Variants in SLC25A5 observed in about 807,000 individuals in gnomAD.
SLC25A5 encodes solute carrier family 25 member 5.
SLC25A5 carries 4 observed loss-of-function variants against 16.5 expected under a neutral mutation model. The ratio of observed to expected loss-of-function variants is 0.24; its 90% CI spans 0.12 to 0.56. SLC25A5 has a LOEUF of 0.56. Among genes scored for constraint, SLC25A5 ranks in the 20% least tolerant of loss-of-function variants. SLC25A5 has a pLI of 0.93. For synonymous variants in SLC25A5, 60 were observed against 95.2 expected (o/e 0.63, Z 2.15); for missense variants, 88 against 248.0 (o/e 0.35, Z 4.33).
At chrX:119,469,194 C>T (rs763510654) in intron 1 of SLC25A5, 220 of 113,875 alleles carry the variant, frequency 1.9e-3, no homozygotes, top group Middle Eastern at 4.4e-3. Context: ...CTCTCCAGTG[C>T]CGGCTCTAGA....
At chrX:119,470,555 G>A in intron 3 of SLC25A5, 42 bp downstream of exon 3, 3 of 1,171,935 alleles carry the variant, frequency 2.6e-6, no homozygotes, top group Non-Finnish European at 2.3e-6. Flanking sequence ...TAGTCGTGGG[G>A]CAATCTGCTG....
chrX:119,469,917 C>G lies in SLC25A5; in HGVS notation c.368C>G (p.Ala123Gly). ...GGGAATCTGGCATCGGGTGGTGCCG[C>G]AGGGGCCACATCCCTGTGTTTTGTG... is the stretch of plus-strand genomic sequence containing the variant. ...FAGNLASGGA[A>G]GATSLCFVYP... The change falls in exon 2 of 4, where the codon GCA (alanine) becomes GGA (glycine). Residue 123 changes from alanine to glycine, a missense_variant. Coordinates refer to ENST00000317881, the MANE Select transcript of SLC25A5 (RefSeq NM_001152.5). 8.2e-7 allele frequency: 1 copy of G among 1,212,542 alleles called. No individual in the cohort carries two copies. The highest frequency in any genetic ancestry group is 1.1e-6 in the Non-Finnish European group (1 of 895,496).
intron 1 of SLC25A5, chrX:119,469,440 T>A: frequency 2.5e-6 from 1 of 392,512 alleles, no homozygotes. Context: ...ATGCCCCCTC[T>A]CCACTCAGAG....
chrX:119,470,866 T>G, intron 3 of SLC25A5, 35 bp from the exon 4 acceptor site: 1 of 1,186,593 alleles, frequency 8.4e-7, no homozygotes, highest in South Asian at 1.9e-5. Flanking sequence ...TTCATCGGCC[T>G]TCAGTCACTA....
At position 119,471,216 on chromosome X, in the gene SLC25A5, T is replaced by G; in HGVS notation, c.*158T>G. 1 of 375,643 alleles carries G rather than the reference T, an allele frequency of 2.7e-6. No individual in the cohort carries two copies. Among genetic ancestry groups the G allele is most frequent in the Non-Finnish European group, 4.3e-6 (1 of 229,914 alleles). The allele number at this position is 375,643 out of a possible 1,213,427, so 31.0% of individuals were successfully genotyped here. A position where few individuals can be genotyped will look rare whatever the true frequency, so the allele number is the denominator to read the frequency against. On this transcript the variant is annotated 3_prime_UTR_variant, in exon 4 of 4. Transcript: ENST00000317881. ...AATATTCATCTGACCAGTTTTCTCT[T>G]AAAGCCATTTCCATGATGATGATGA...
In SLC25A5 at chrX:119,470,893, C is replaced by A; in HGVS notation, c.740-8C>A. 3 of 1,204,339 alleles carry A rather than the reference C, an allele frequency of 2.5e-6. No individual in the cohort carries two copies. Among genetic ancestry groups the A allele is most frequent in the South Asian group, 1.8e-5 (1 of 55,237 alleles). ...CAGTCACTAACTCCATGTCTTTATT[C>A]TTTGCAGCTGACATCATGTACACAG... On this transcript the variant is annotated splice_polypyrimidine_tract_variant and splice_region_variant and intron_variant, in intron 3 of 3. Transcript: ENST00000317881.
Position 119,470,923 on chromosome X carries a change from G to A in SLC25A5, c.762G>A (p.Thr254=), listed in dbSNP as rs887310187. 3.3e-5 allele frequency: 40 copies of A among 1,210,448 alleles called. No individual in the cohort carries two copies. Among genetic ancestry groups the A allele is most frequent in the Non-Finnish European group, 3.9e-5 (35 of 894,927 alleles). ...CAGCTGACATCATGTACACAGGCAC[G>A]CTTGACTGCTGGCGGAAGATTGCTC... is the stretch of plus-strand genomic sequence containing the variant. ...RKGTDIMYTG[T]LDCWRKIARD... Residue 254 remains threonine, a synonymous_variant, in exon 4 of 4, where the codon ACG becomes ACA. Coordinates refer to ENST00000317881, the MANE Select transcript of SLC25A5 (RefSeq NM_001152.5).
intron 1 of SLC25A5, chrX:119,469,135 A>AGCCGCG (rs2052809061): frequency 8.8e-6 from 1 of 113,324 alleles, no homozygotes; most frequent in Non-Finnish European, 1.9e-5. Flanking sequence ...GCCCCCGCGC[A>AGCCGCG]GCCGCGGCCG....
At chrX:119,468,847 G>T in intron 1 of SLC25A5, 2 of 404,911 alleles carry the variant, frequency 4.9e-6, no homozygotes, top group South Asian at 4.4e-5. Context: ...GGGGGCAGAG[G>T]GCAGGACCAG....
At chrX:119,469,536 T>C in intron 1 of SLC25A5, 125 bp from the exon 2 acceptor site, 1 of 822,930 alleles carries the variant, frequency 1.2e-6, no homozygotes, top group Non-Finnish European at 1.7e-6. Flanking sequence ...CAGTATGATA[T>C]ACGAAGACTA....
Position 119,468,725 on chromosome X carries a change from T to G in SLC25A5, c.111+99T>G, listed in dbSNP as rs1201774992. 7.0e-6 allele frequency: 5 copies of G among 718,986 alleles called. No individual in the cohort carries two copies. The Admixed American group carries it at 1.1e-4, about 17-fold the overall frequency. 59.3% of individuals were successfully genotyped at this position (718,986 alleles called of 1,213,427 possible). A position where few individuals can be genotyped will look rare whatever the true frequency, so the allele number is the denominator to read the frequency against. Reference sequence around the variant, plus strand: ...TGGCGGGGAGCGAACTCTAAAGACATGGCCAGGGAAGCGGCTTAGGAGAGG... The same window carrying G: ...TGGCGGGGAGCGAACTCTAAAGACAGGGCCAGGGAAGCGGCTTAGGAGAGG... On this transcript the variant is annotated intron_variant, in intron 1 of 3. Coordinates refer to ENST00000317881, the MANE Select transcript of SLC25A5 (RefSeq NM_001152.5).
At chrX:119,470,804 C>G in intron 3 of SLC25A5, 97 bp from the exon 4 acceptor site, 1 of 943,796 alleles carries the variant, frequency 1.1e-6, no homozygotes, top group Non-Finnish European at 1.5e-6. Flanking sequence ...TTAAAGCTGA[C>G]GTTCTTAGAG....
chrX:119,470,066 C>G lies in SLC25A5; in HGVS notation c.517C>G (p.Leu173Val). ...CTACAAATCTGATGGGATTAAGGGCCTGTACCAAGGCTTTAACGTGTCTGT... is the reference window on the plus strand; with the variant it reads ...CTACAAATCTGATGGGATTAAGGGCGTGTACCAAGGCTTTAACGTGTCTGT... ...KIYKSDGIKG[L>V]YQGFNVSVQG... Residue 173 changes from leucine to valine, a missense_variant, in exon 2 of 4, where the codon CTG (leucine) becomes GTG (valine). Leu to Val is a conservative substitution (Grantham distance 32, BLOSUM62 1). Transcript: ENST00000317881. 1.6e-6 allele frequency: 2 copies of G among 1,212,149 alleles called. No individual in the cohort carries two copies. Among genetic ancestry groups the G allele is most frequent in the Non-Finnish European group, 1.1e-6 (1 of 895,318 alleles).
chrX:119,468,675 G>C, intron 1 of SLC25A5, 49 bp downstream of exon 1: 6 of 1,075,919 alleles, frequency 5.6e-6, no homozygotes, highest in Non-Finnish European at 6.3e-6. Context: ...GGGAAGGGTC[G>C]CACAGAAGGC....
intron 3 of SLC25A5, 22 bp downstream of exon 3, chrX:119,470,535 G>GAT: frequency 8.5e-7 from 1 of 1,172,991 alleles, no homozygotes. Flanking sequence ...TTGAGCAGAA[G>GAT]ATAAAGTTGT....
At position 119,470,313 on chromosome X, in the gene SLC25A5, G is replaced by A; in HGVS notation, c.599-60G>A. The A allele has an allele frequency of 3.4e-6, 4 of 1,172,201 alleles. No individual in the cohort carries two copies. In the South Asian group the frequency reaches 5.7e-5, roughly 17 times the overall value. On this transcript the variant is annotated intron_variant, in intron 2 of 3. Transcript: ENST00000317881. ...TACAGATGACGTGTTTAGGGGATGTGGGGAAAGGAAGTCAGTAAAACTCTG... is the reference window on the plus strand; with the variant it reads ...TACAGATGACGTGTTTAGGGGATGTAGGGAAAGGAAGTCAGTAAAACTCTG...
chrX:119,470,822 T>C (rs1381529493), intron 3 of SLC25A5, 79 bp from the exon 4 acceptor site: 1 of 1,058,714 alleles, frequency 9.4e-7, no homozygotes, highest in African/African-American at 1.9e-5. Context: ...GAGGTGGGGC[T>C]CTGCTTTATT....
intron 1 of SLC25A5, 34 bp downstream of exon 1, chrX:119,468,660 G>C (rs2052803051): frequency 8.9e-7 from 1 of 1,129,783 alleles, no homozygotes; most frequent in East Asian, 3.0e-5. Context: ...CAACCAGGAA[G>C]TGGGGGGAAG....
rs1371350628 is a variant in SLC25A5, at chrX:119,470,353, C to T, written c.599-20C>T. 28 of 983,772 alleles carry T rather than the reference C, an allele frequency of 2.8e-5. No individual in the cohort carries two copies. Among genetic ancestry groups the T allele is most frequent in the Non-Finnish European group, 3.5e-5 (27 of 768,951 alleles). The allele number at this position is 983,772 out of a possible 1,213,427, so 81.1% of individuals were successfully genotyped here. ...GTAAAACTCTGCTTTTTGGTAAAAG[C>T]ATCTCTTTCCTATTCCCAGGAATGC... On this transcript the variant is annotated intron_variant, in intron 2 of 3. Transcript: ENST00000317881.
Sources: gnomAD v4.1 joint callset for allele counts on GRCh38, gnomAD v4.1.1 for gene constraint, MANE v1.5 for transcripts, NCBI Gene and HGNC (gene_info 2026-07-23, HGNC 2026-07-21) for gene names.